FGF10: variants seen among roughly 807,000 people sequenced by gnomAD.
The protein encoded by FGF10 is FGF-10.
A neutral mutation model predicts 19.8 loss-of-function variants in FGF10; 2 were observed. The observed-to-expected ratio is 0.10, with a 90% CI of 0.04 to 0.32. The LOEUF is 0.32. FGF10 is among the 10% of genes least tolerant of loss of function. FGF10 has a pLI of 1.00. For missense variants in FGF10, 191 were observed against 246.3 expected (o/e 0.78, Z 1.50); for synonymous variants, 112 against 94.0 (o/e 1.19, Z -1.10).
intron 1 of FGF10, among the ~76,000 whole-genome samples, chr5:44,334,260 G>T (rs1336650364): frequency 6.6e-6 from 1 of 151,892 alleles, no homozygotes; most frequent in Non-Finnish European, 1.5e-5. Context: ...TTCCTGTTTT[G>T]CCATATCATC....
At chr5:44,369,493 C>T (rs929170079) in intron 1 of FGF10, among the ~76,000 whole-genome samples, 16 of 152,108 alleles carry the variant, frequency 1.1e-4, no homozygotes, top group African/African-American at 3.9e-4. Flanking sequence ...GGGAAGAGCT[C>T]TCAATCCCTA....
At chr5:44,322,119 G>C (rs1334820187) in intron 1 of FGF10, among the ~76,000 whole-genome samples, 1 of 152,150 alleles carries the variant, frequency 6.6e-6, no homozygotes, top group Non-Finnish European at 1.5e-5. Context: ...TCCCTGGCCA[G>C]AGTTTTTGAG....
intron 1 of FGF10, among the ~76,000 whole-genome samples, chr5:44,318,046 C>T (rs958616019): frequency 1.3e-5 from 2 of 152,078 alleles, no homozygotes; most frequent in African/African-American, 2.4e-5. Context: ...AGAAACTCTA[C>T]CCTTATTCCC....
At chr5:44,355,052 C>G (rs1484183137) in intron 1 of FGF10, among the ~76,000 whole-genome samples, 1 of 151,430 alleles carries the variant, frequency 6.6e-6, no homozygotes, top group South Asian at 2.1e-4. Context: ...TGTACCTAGT[C>G]TCTAAATTAT....
At chr5:44,314,964 C>T (rs1248403436) in intron 1 of FGF10, among the ~76,000 whole-genome samples, 1 of 151,858 alleles carries the variant, frequency 6.6e-6, no homozygotes, top group Non-Finnish European at 1.5e-5. Context: ...AAAATAAGTG[C>T]AAAATCCTTC....
At chr5:44,358,002 G>C (rs749333442) in intron 1 of FGF10, among the ~76,000 whole-genome samples, 7 of 151,362 alleles carry the variant, frequency 4.6e-5, no homozygotes, top group Non-Finnish European at 7.4e-5. Context: ...CCAAGAGGCT[G>C]AGTGACTTTA....
At chr5:44,305,747 A>G (rs1368556622) in intron 2 of FGF10, among the ~76,000 whole-genome samples, 4 of 152,160 alleles carry the variant, frequency 2.6e-5, no homozygotes, top group Admixed American at 2.6e-4. Flanking sequence ...TTTCTTCCAA[A>G]TATCAAATTT....
At chr5:44,307,363 T>G (rs1363496725) in intron 2 of FGF10, among the ~76,000 whole-genome samples, 2 of 152,086 alleles carry the variant, frequency 1.3e-5, no homozygotes, top group Non-Finnish European at 2.9e-5. Context: ...TAAAAGAAGT[T>G]TGGATTTTTT....
chr5:44,374,952 C>A (rs533467752), intron 1 of FGF10, among the ~76,000 whole-genome samples: 1 of 152,036 alleles, frequency 6.6e-6, no homozygotes, highest in South Asian at 2.1e-4. Context: ...GATAGCCCTA[C>A]TAACTTATTT....
At chr5:44,338,907 T>C (rs185742442) in intron 1 of FGF10, among the ~76,000 whole-genome samples, 2 of 152,340 alleles carry the variant, frequency 1.3e-5, no homozygotes, top group East Asian at 3.9e-4. Context: ...TGAGATTGTC[T>C]AACTAGCTAC....
At chr5:44,325,354 A>G (rs924840080) in intron 1 of FGF10, among the ~76,000 whole-genome samples, 3 of 151,984 alleles carry the variant, frequency 2.0e-5, no homozygotes, top group African/African-American at 7.2e-5. Flanking sequence ...AGAACTAGAA[A>G]TACCATTTGA....
chr5:44,371,442 A>T (rs925564691), intron 1 of FGF10, among the ~76,000 whole-genome samples: 1 of 152,124 alleles, frequency 6.6e-6, no homozygotes, highest in South Asian at 2.1e-4. Flanking sequence ...GGCAACACTA[A>T]TTACCCATTT....
At chr5:44,316,700 T>G (rs2111710934) in intron 1 of FGF10, among the ~76,000 whole-genome samples, 1 of 152,218 alleles carries the variant, frequency 6.6e-6, no homozygotes, top group East Asian at 1.9e-4. Flanking sequence ...CAAGAAAAAT[T>G]TTAAACAATG....
intron 1 of FGF10, among the ~76,000 whole-genome samples, chr5:44,344,039 G>A (rs1219306523): frequency 6.6e-6 from 1 of 151,880 alleles, no homozygotes; most frequent in African/African-American, 2.4e-5. Flanking sequence ...ACAGATCAAA[G>A]CACAACTCTG....
At chr5:44,350,186 T>C (rs1741200075) in intron 1 of FGF10, among the ~76,000 whole-genome samples, 2 of 150,608 alleles carry the variant, frequency 1.3e-5, no homozygotes, top group South Asian at 4.2e-4. Context: ...ATAATAAATG[T>C]ATATTATCTA....
chr5:44,332,474 A>T (rs570221713), intron 1 of FGF10, among the ~76,000 whole-genome samples: 45 of 152,306 alleles, frequency 3.0e-4, no homozygotes, highest in African/African-American at 1.1e-3. Flanking sequence ...GGAACCAAGC[A>T]TACTATCCAT....
chr5:44,315,371 G>T (rs1740314778), intron 1 of FGF10, among the ~76,000 whole-genome samples: 1 of 152,116 alleles, frequency 6.6e-6, no homozygotes, highest in Non-Finnish European at 1.5e-5. Context: ...GAGAGAAAGT[G>T]CATGCATAAA....
At chr5:44,356,174 T>C (rs1051980396) in intron 1 of FGF10, among the ~76,000 whole-genome samples, 8 of 151,392 alleles carry the variant, frequency 5.3e-5, no homozygotes, top group Non-Finnish European at 1.0e-4. Flanking sequence ...AGCAATTCAG[T>C]TGAGAATGGC....
In FGF10 at chr5:44,357,871, A is replaced by G. The variant is rs867803276; in HGVS notation, c.325+30487T>C. Among the ~76,000 whole-genome samples the G allele has an allele frequency of 5.3e-5, 8 of 151,526 alleles. No homozygotes were observed. The Middle Eastern group carries it at 0.024, about 451-fold the overall frequency. On this transcript the variant is annotated intron_variant, in intron 1 of 2. Transcript: ENST00000264664. ...AAGCTTCCTAGTCTTTTCTGCCATGAAGGTTCTTAGGAAGACCTGTTGGAA... is the reference window on the plus strand; with the variant it reads ...AAGCTTCCTAGTCTTTTCTGCCATGGAGGTTCTTAGGAAGACCTGTTGGAA...
Sources: gnomAD v4.1 joint callset for allele counts (sites outside exome capture counted in the v4.1 genomes callset) on GRCh38, gnomAD v4.1.1 for gene constraint, MANE v1.5 for transcripts, NCBI Gene and HGNC (gene_info 2026-07-23, HGNC 2026-07-21) for gene names.